The following THRB variants were observed in gnomAD, a reference collection of about 807,000 sequenced individuals.
THRB encodes the protein thyroid hormone receptor beta.
Under a neutral mutation model 47.8 loss-of-function variants are expected in THRB, and 12 were observed. The ratio of observed to expected loss-of-function variants is 0.25; its 90% CI spans 0.16 to 0.41. THRB has a LOEUF of 0.41. Among genes scored for constraint, THRB ranks in the 10% least tolerant of loss-of-function variants. The probability of loss-of-function intolerance (pLI) is 1.00; values close to 1 mark genes in which losing one functional copy is unlikely to be tolerated. For missense variants in THRB, 348 were observed against 589.2 expected (o/e 0.59, Z 4.24); for synonymous variants, 218 against 212.2 (o/e 1.03, Z -0.24).
At chr3:24,374,779 G>A (rs906655545) in intron 1 of THRB, among the ~76,000 whole-genome samples, 3 of 152,062 alleles carry the variant, frequency 2.0e-5, no homozygotes, top group Non-Finnish European at 4.4e-5. Context: ...TGTACTAAGA[G>A]AAAATGCTTG....
intron 3 of THRB, among the ~76,000 whole-genome samples, chr3:24,255,588 T>G (rs981501744): frequency 2.0e-5 from 3 of 152,000 alleles, no homozygotes; most frequent in Admixed American, 1.3e-4. Context: ...CCAACTAGAA[T>G]GAAGTCAAAG....
chr3:24,268,249 G>A (rs913733558), intron 3 of THRB, among the ~76,000 whole-genome samples: 3 of 152,176 alleles, frequency 2.0e-5, no homozygotes, highest in Admixed American at 1.3e-4. Flanking sequence ...GTGAAATCCA[G>A]TAGTGAGCAT....
chr3:24,471,640 G>T (rs1335976887), intron 1 of THRB, among the ~76,000 whole-genome samples: 1 of 152,006 alleles, frequency 6.6e-6, no homozygotes, highest in East Asian at 1.9e-4. Flanking sequence ...ATATCTTCAT[G>T]GTGTCCCTTA....
chr3:24,330,316 AT>A (rs903305228), intron 2 of THRB, among the ~76,000 whole-genome samples: 6 of 148,648 alleles, frequency 4.0e-5, no homozygotes, highest in Non-Finnish European at 7.5e-5. Context: ...TCCGTCTCAA[AT>A]AAAAAAAAAA....
chr3:24,366,208 T>G (rs893019411), intron 1 of THRB, among the ~76,000 whole-genome samples: 7 of 152,204 alleles, frequency 4.6e-5, no homozygotes, highest in Non-Finnish European at 1.0e-4. Flanking sequence ...ATGGTACTTA[T>G]AGCTATCAAC....
chr3:24,454,102 C>T (rs1468457731), intron 1 of THRB, among the ~76,000 whole-genome samples: 2 of 151,816 alleles, frequency 1.3e-5, no homozygotes, highest in African/African-American at 4.8e-5. Context: ...CTTGAATATA[C>T]AAAAAACTCA....
chr3:24,201,165 G>A (rs143296341), intron 4 of THRB, among the ~76,000 whole-genome samples: 1 of 152,140 alleles, frequency 6.6e-6, no homozygotes, highest in African/African-American at 2.4e-5. Context: ...GAAGCAGGTA[G>A]GGTTTTGACT....
chr3:24,411,876 A>G (rs1271779029), intron 1 of THRB, among the ~76,000 whole-genome samples: 4 of 151,862 alleles, frequency 2.6e-5, no homozygotes, highest in African/African-American at 9.7e-5. Context: ...TAACCAAATC[A>G]GAATGCAGGG....
At chr3:24,335,243 C>T (rs1246884602) in intron 2 of THRB, among the ~76,000 whole-genome samples, 2 of 152,194 alleles carry the variant, frequency 1.3e-5, no homozygotes, top group African/African-American at 4.8e-5. Flanking sequence ...TCCTCTGAAT[C>T]TCTACTCCCA....
At chr3:24,176,405 G>C (rs2041157266) in intron 5 of THRB, among the ~76,000 whole-genome samples, 1 of 152,084 alleles carries the variant, frequency 6.6e-6, no homozygotes, top group Non-Finnish European at 1.5e-5. Flanking sequence ...TAGCATGTCA[G>C]AGATTAATTT....
At chr3:24,326,756 CTT>C (rs1174687260) in intron 2 of THRB, among the ~76,000 whole-genome samples, 36 of 49,990 alleles carry the variant, frequency 7.2e-4, no homozygotes, top group East Asian at 7.6e-4. Context: ...CCAGTCTTGT[CTT>C]TTTTTTTTTT....
intron 5 of THRB, among the ~76,000 whole-genome samples, chr3:24,167,095 T>A (rs561715421): frequency 1.4e-3 from 218 of 152,280 alleles, no homozygotes; most frequent in African/African-American, 5.0e-3. Context: ...AATTGCTGAC[T>A]TTTTATAAAT....
At chr3:24,379,603 C>A (rs1399787804) in intron 1 of THRB, among the ~76,000 whole-genome samples, 1 of 136,916 alleles carries the variant, frequency 7.3e-6, no homozygotes, top group Non-Finnish European at 1.5e-5. Flanking sequence ...GATTCTGTAA[C>A]AAGTCCCTAA....
At chr3:24,182,484 C>A (rs1235449251) in intron 5 of THRB, among the ~76,000 whole-genome samples, 1 of 152,148 alleles carries the variant, frequency 6.6e-6, no homozygotes, top group Non-Finnish European at 1.5e-5. Context: ...GTTCTGCCTG[C>A]GTCCGTAATA....
chr3:24,331,320 T>A (rs1418261760), intron 2 of THRB, among the ~76,000 whole-genome samples: 2 of 152,028 alleles, frequency 1.3e-5, no homozygotes, highest in Non-Finnish European at 2.9e-5. Context: ...AAGGAGGGAA[T>A]AAGAAAGGGA....
At chr3:24,302,520 C>A (rs1406946687) in intron 2 of THRB, among the ~76,000 whole-genome samples, 1 of 152,184 alleles carries the variant, frequency 6.6e-6, no homozygotes, top group East Asian at 1.9e-4. Flanking sequence ...GGCCTTTGAA[C>A]TTGCTGTTCA....
At chr3:24,400,982 G>A (rs1372196157) in intron 1 of THRB, among the ~76,000 whole-genome samples, 1 of 152,020 alleles carries the variant, frequency 6.6e-6, no homozygotes, top group Non-Finnish European at 1.5e-5. Flanking sequence ...TGGAAAATGA[G>A]GGCCAGATGA....
chr3:24,393,318 C>G (rs560797375), intron 1 of THRB, among the ~76,000 whole-genome samples: 5 of 152,298 alleles, frequency 3.3e-5, no homozygotes, highest in African/African-American at 9.6e-5. Flanking sequence ...CAGATCCCAT[C>G]ACTCCTTGCA....
At chr3:24,233,657 G>A (rs1374223012) in intron 3 of THRB, among the ~76,000 whole-genome samples, 1 of 151,868 alleles carries the variant, frequency 6.6e-6, no homozygotes, top group East Asian at 1.9e-4. Context: ...CATGTGGGCT[G>A]CTACATTTTA....
Sources: allele counts gnomAD v4.1 joint callset (sites outside exome capture counted in the v4.1 genomes callset), GRCh38; gene constraint gnomAD v4.1.1; transcripts MANE v1.5; gene names NCBI Gene and HGNC (gene_info 2026-07-23, HGNC 2026-07-21).